TMTC1: variants seen among roughly 807,000 people sequenced by gnomAD.
TMTC1 encodes the protein transmembrane O-mannosyltransferase targeting cadherins 1, also known as protein O-mannosyl-transferase TMTC1.
In TMTC1, 73 loss-of-function variants were observed where a neutral mutation model predicts 104.8. The ratio of observed to expected loss-of-function variants is 0.70; its 90% CI spans 0.58 to 0.85. The LOEUF is 0.85. Ranked by LOEUF, TMTC1 falls within the 40% of genes least tolerant of loss-of-function variation. The pLI, the probability that TMTC1 is intolerant of heterozygous loss-of-function variation, is 0.00. For synonymous variants in TMTC1, 434 were observed against 428.7 expected, an observed-to-expected ratio of 1.01 and a Z score of -0.15; for missense variants, 1,035 against 1,096.1, an observed-to-expected ratio of 0.94 and a Z score of 0.79.
chr12:29,514,696 T>A, intron 15 of TMTC1, 92 bp from the exon 16 acceptor site: 1 of 1,359,202 alleles, frequency 7.4e-7, no homozygotes, highest in Non-Finnish European at 1.0e-6. Context: ...TGTTCCTATG[T>A]GTCAGCAGGT....
intron 16 of TMTC1, among the ~76,000 whole-genome samples, chr12:29,513,385 C>A (rs944090241): frequency 9.2e-5 from 14 of 152,108 alleles, no homozygotes; most frequent in Non-Finnish European, 2.1e-4. Context: ...ATAATGTTCA[C>A]ATTCGTTATA....
intron 10 of TMTC1, among the ~76,000 whole-genome samples, chr12:29,555,789 G>A (rs1293846653): frequency 6.6e-6 from 1 of 152,190 alleles, no homozygotes; most frequent in Non-Finnish European, 1.5e-5. Flanking sequence ...AAACATATGT[G>A]TGCATGTGTC....
At chr12:29,552,300 A>C (rs1945126529) in intron 10 of TMTC1, among the ~76,000 whole-genome samples, 1 of 152,244 alleles carries the variant, frequency 6.6e-6, no homozygotes, top group African/African-American at 2.4e-5. Context: ...ACACCATCTC[A>C]GTAATATTTT....
At chr12:29,643,543 TCA>T (rs1386147353) in intron 5 of TMTC1, among the ~76,000 whole-genome samples, 1 of 84,720 alleles carries the variant, frequency 1.2e-5, no homozygotes, top group African/African-American at 5.7e-5. Context: ...ATAATATATA[TCA>T]CATATATGTT....
intron 2 of TMTC1, among the ~76,000 whole-genome samples, chr12:29,760,427 G>A (rs1943317491): frequency 6.6e-6 from 1 of 152,058 alleles, no homozygotes; most frequent in African/African-American, 2.4e-5. Context: ...AAATATCAAT[G>A]GATGCTAAAC....
chr12:29,635,802 T>C (rs1938521522), intron 5 of TMTC1, among the ~76,000 whole-genome samples: 1 of 152,118 alleles, frequency 6.6e-6, no homozygotes, highest in African/African-American at 2.4e-5. Flanking sequence ...ATCCAGACTG[T>C]GGGAAACAAA....
intron 7 of TMTC1, among the ~76,000 whole-genome samples, chr12:29,597,849 T>C (rs1028183639): frequency 1.3e-5 from 2 of 152,174 alleles, no homozygotes; most frequent in African/African-American, 4.8e-5. Context: ...TGCAGGGTCA[T>C]CTACCTCCTG....
intron 5 of TMTC1, among the ~76,000 whole-genome samples, chr12:29,749,691 G>A (rs1223090028): frequency 6.6e-6 from 1 of 151,788 alleles, no homozygotes; most frequent in Admixed American, 6.6e-5. Flanking sequence ...GCATTATTAT[G>A]ATTTTATTCT....
At chr12:29,708,348 T>C (rs529046435) in intron 5 of TMTC1, among the ~76,000 whole-genome samples, 149 of 152,336 alleles carry the variant, frequency 9.8e-4, no homozygotes, top group African/African-American at 3.3e-3. Flanking sequence ...ATGCACTTTA[T>C]TTATTAAATA....
chr12:29,646,583 CA>C (rs761390440), intron 5 of TMTC1, among the ~76,000 whole-genome samples: 74 of 152,284 alleles, frequency 4.9e-4, no homozygotes, highest in Non-Finnish European at 8.8e-4. Flanking sequence ...GCTACTGCCA[CA>C]AGCTCTCTCA....
At chr12:29,595,520 T>C (rs1280570954) in intron 7 of TMTC1, among the ~76,000 whole-genome samples, 2 of 152,226 alleles carry the variant, frequency 1.3e-5, no homozygotes, top group Admixed American at 6.5e-5. Flanking sequence ...TCCTTGATGA[T>C]TGACCACCAG....
chr12:29,716,115 C>T (rs1182248357), intron 5 of TMTC1, among the ~76,000 whole-genome samples: 1 of 151,882 alleles, frequency 6.6e-6, no homozygotes, highest in African/African-American at 2.4e-5. Flanking sequence ...AAATCCTAGG[C>T]TCAGACCAAC....
rs1034001952 is a variant in TMTC1, at chr12:29,523,824, T to A, written c.1786-3104A>T. Among the ~76,000 whole-genome samples the A allele has an allele frequency of 7.9e-5, 12 of 152,242 alleles. No individual in the cohort carries two copies. In the East Asian group the frequency reaches 9.7e-4, roughly 12 times the overall value. On this transcript the variant is annotated intron_variant, in intron 11 of 17. Coordinates refer to ENST00000539277, the MANE Select transcript of TMTC1 (RefSeq NM_001193451.2). ...TAGGACTTACCTGTTTAGGATTTTT[T>A]TAAAAAATTTTAATTTGATTATGTC...
At chr12:29,650,821 T>A (rs1939485311) in intron 5 of TMTC1, among the ~76,000 whole-genome samples, 1 of 152,150 alleles carries the variant, frequency 6.6e-6, no homozygotes, top group Admixed American at 6.6e-5. Flanking sequence ...TCAGTTCTGG[T>A]GGTTCATGAA....
intron 9 of TMTC1, among the ~76,000 whole-genome samples, chr12:29,558,174 A>C (rs1945294346): frequency 6.6e-6 from 1 of 152,224 alleles, no homozygotes; most frequent in African/African-American, 2.4e-5. Context: ...TTCAGAGTGG[A>C]CATAGTTAGC....
chr12:29,671,771 G>A (rs2136682523), intron 5 of TMTC1, among the ~76,000 whole-genome samples: 1 of 152,304 alleles, frequency 6.6e-6, no homozygotes, highest in Non-Finnish European at 1.5e-5. Context: ...CTACCCAGGA[G>A]GGGTGCATGT....
chr12:29,775,378 A>G (rs1407328555), intron 1 of TMTC1, among the ~76,000 whole-genome samples: 2 of 152,162 alleles, frequency 1.3e-5, no homozygotes, highest in African/African-American at 4.8e-5. Context: ...TCCTCAGGCC[A>G]CCAGTACTTC....
At chr12:29,526,856 C>T (rs1271681659) in intron 11 of TMTC1, among the ~76,000 whole-genome samples, 2 of 152,010 alleles carry the variant, frequency 1.3e-5, no homozygotes, top group African/African-American at 4.8e-5. Context: ...TGATGGATAA[C>T]ATACCAAGAC....
intron 8 of TMTC1, among the ~76,000 whole-genome samples, chr12:29,578,241 T>C (rs1945877973): frequency 6.6e-6 from 1 of 152,048 alleles, no homozygotes; most frequent in African/African-American, 2.4e-5. Flanking sequence ...AACACACTGC[T>C]TTTTCCCATC....
Sources: gnomAD v4.1 joint callset for allele counts (sites outside exome capture counted in the v4.1 genomes callset) on GRCh38, gnomAD v4.1.1 for gene constraint, MANE v1.5 for transcripts, NCBI Gene and HGNC (gene_info 2026-07-23, HGNC 2026-07-21) for gene names.